The following MATR3 variants were observed in gnomAD, a reference collection of about 807,000 sequenced individuals.
MATR3 encodes matrin 3, also known as matrin-3.
In MATR3, 4 loss-of-function variants were observed where a neutral mutation model predicts 85.5. The ratio of observed to expected loss-of-function variants is 0.05; its 90% CI spans 0.02 to 0.11. The LOEUF is 0.11. Among genes scored for constraint, MATR3 ranks in the 10% least tolerant of loss-of-function variants. The probability of loss-of-function intolerance (pLI) is 1.00; values close to 1 mark genes in which losing one functional copy is unlikely to be tolerated. For missense variants in MATR3, 685 were observed against 1,016.1 expected, an observed-to-expected ratio of 0.67 and a Z score of 4.43; for synonymous variants, 336 against 343.1, an observed-to-expected ratio of 0.98 and a Z score of 0.23.
chr5:139,307,914 C>T lies in MATR3; in HGVS notation c.499C>T (p.Arg167Trp), dbSNP rs138894013. The change falls in exon 2 of 15, where the codon CGG becomes TGG. Residue 167 changes from arginine to tryptophan, a missense_variant. Physicochemically the swap from Arg to Trp is moderately radical, Grantham distance 101. Transcript: ENST00000394805. The surrounding 1 kb of genome is among the most constrained non-coding windows in gnomAD (Gnocchi z 4.4). ...SYGRDGRSAT[R>W]EPPYRVPRDD... Reference sequence around the variant, plus strand: ...TGGTAGAGATGGCAGATCTGCTACACGGGAGCCACCATACAGAGTACCTAG... The same window carrying T: ...TGGTAGAGATGGCAGATCTGCTACATGGGAGCCACCATACAGAGTACCTAG... The T allele has an allele frequency of 2.5e-6, 4 of 1,613,972 alleles. No homozygotes were observed. The African/African-American group carries it at 4.0e-5, about 16-fold the overall frequency.
Position 139,322,984 on chromosome 5 carries a change from T to A in MATR3, c.2148+17T>A, listed in dbSNP as rs763582592. ...CTTAAAAAGGTAAAGAAAGATACAT[T>A]GATTTGTTTTAATAGAACATTAGAT... On this transcript the variant is annotated intron_variant, in intron 12 of 14. Coordinates refer to ENST00000394805, the MANE Select transcript of MATR3 (RefSeq NM_018834.6). The A allele has an allele frequency of 1.3e-6, 2 of 1,544,266 alleles. No individual in the cohort carries two copies. The highest frequency in any genetic ancestry group is 1.8e-6 in the Non-Finnish European group (2 of 1,126,230).
At chr5:139,303,047 TG>T (rs1476968480) in intron 1 of MATR3, among the ~76,000 whole-genome samples, 1 of 151,304 alleles carries the variant, frequency 6.6e-6, no homozygotes, top group African/African-American at 2.4e-5. Flanking sequence ...TCAAATTAGT[TG>T]TTTTTTTTTT....
chr5:139,325,084 T>A (rs551693714), intron 12 of MATR3, among the ~76,000 whole-genome samples: 12 of 151,868 alleles, frequency 7.9e-5, no homozygotes, highest in African/African-American at 2.2e-4. Context: ...TCCCAGCTAC[T>A]CGGGAGGCTG....
rs760672658 is a variant in MATR3 at position 139,316,282 on chromosome 5, A to G, written c.1129+94A>G. 6.1e-4 allele frequency: 578 copies of G among 943,546 alleles called. 1 individual carries two copies. Among genetic ancestry groups the G allele is most frequent in the Middle Eastern group, 1.9e-3 (6 of 3,132 alleles). The allele number at this position is 943,546 out of a possible 1,614,324, so 58.4% of individuals were successfully genotyped here. A position where few individuals can be genotyped will look rare whatever the true frequency, so the allele number is the denominator to read the frequency against. The stretch of plus-strand genomic sequence containing the variant: ...TTATTTGAGATGGGGTTTTGCTCTT[A>G]TCGCCCAGGCTGGAGTGCAATGGCA... On this transcript the variant is annotated intron_variant, in intron 5 of 14. Coordinates refer to ENST00000394805, the MANE Select transcript of MATR3 (RefSeq NM_018834.6).
In MATR3 at chr5:139,314,522, G is replaced by T. The variant is rs1755149297; in HGVS notation, c.913-153G>T. On this transcript the variant is annotated intron_variant, in intron 2 of 14. Coordinates refer to ENST00000394805, the MANE Select transcript of MATR3 (RefSeq NM_018834.6). ...TCAAGCCTCAAGGATTCAGAGAAATGGTTTTAAATTAAATCAATGTGATTT... is the reference window on the plus strand; with the variant it reads ...TCAAGCCTCAAGGATTCAGAGAAATTGTTTTAAATTAAATCAATGTGATTT... 43 of 667,172 alleles carry T rather than the reference G, an allele frequency of 6.4e-5. 1 individual carries two copies. In the South Asian group the frequency reaches 6.6e-4, roughly 10 times the overall value. The allele number at this position is 667,172 out of a possible 1,614,324, so 41.3% of individuals were successfully genotyped here.
chr5:139,327,532 T>C (rs1755920621), intron 14 of MATR3, among the ~76,000 whole-genome samples: 1 of 152,116 alleles, frequency 6.6e-6, no homozygotes, highest in Non-Finnish European at 1.5e-5. Flanking sequence ...AGCCATTCTC[T>C]TGCCTCAGCC....
At chr5:139,316,233 C>G in intron 5 of MATR3, 45 bp downstream of exon 5, 1 of 1,454,612 alleles carries the variant, frequency 6.9e-7, no homozygotes, top group East Asian at 2.3e-5. Context: ...AGAGCCGTTA[C>G]TGAAAATTTT....
intron 2 of MATR3, chr5:139,312,923 A>G (rs1426053393): frequency 6.6e-6 from 1 of 152,138 alleles, no homozygotes; most frequent in Non-Finnish European, 1.5e-5. Flanking sequence ...AAGTGCTGGG[A>G]CTGCAGGCCT....
intron 14 of MATR3, among the ~76,000 whole-genome samples, chr5:139,328,534 T>G (rs913241309): frequency 6.6e-6 from 1 of 152,194 alleles, no homozygotes; most frequent in Non-Finnish European, 1.5e-5. Context: ...TCATCTGTTT[T>G]TGTAAGGTTT....
In MATR3 at chr5:139,329,885, A is replaced by C. The variant is rs1449245898; in HGVS notation, c.*490A>C. The C allele has an allele frequency of 2.2e-6, 1 of 454,402 alleles. No individual in the cohort carries two copies. Among genetic ancestry groups the C allele is most frequent in the East Asian group, 6.9e-5 (1 of 14,412 alleles). 28.1% of individuals were successfully genotyped at this position (454,402 alleles called of 1,614,324 possible). A position where few individuals can be genotyped will look rare whatever the true frequency, so the allele number is the denominator to read the frequency against. On this transcript the variant is annotated 3_prime_UTR_variant, in exon 15 of 15. Coordinates refer to ENST00000394805, the MANE Select transcript of MATR3 (RefSeq NM_018834.6). ...GTTGCATTTCATTTTTGGAGAACTT[A>C]ATTAACGTGAGATTGGCAATTGAAA...
chr5:139,330,046 G>T lies in MATR3; in HGVS notation c.*651G>T, dbSNP rs1756060352. 4.4e-6 allele frequency: 2 copies of T among 454,274 alleles called. No individual in the cohort carries two copies. Among genetic ancestry groups the T allele is most frequent in the Non-Finnish European group, 8.8e-6 (2 of 226,754 alleles). The allele number at this position is 454,274 out of a possible 1,614,324, so 28.1% of individuals were successfully genotyped here. A position where few individuals can be genotyped will look rare whatever the true frequency, so the allele number is the denominator to read the frequency against. On this transcript the variant is annotated 3_prime_UTR_variant, in exon 15 of 15. Coordinates refer to ENST00000394805, the MANE Select transcript of MATR3 (RefSeq NM_018834.6). ...TATTCTAGTAGTCAATGTATTTTCA[G>T]TGAAATGCAAAAATATTCCCGTTAT...
At position 139,321,936 on chromosome 5, in the gene MATR3, A is replaced by C. The variant is rs202035773; in HGVS notation, c.1641A>C (p.Ala547=). 1 of 1,613,984 alleles carries C rather than the reference A, an allele frequency of 6.2e-7. No individual in the cohort carries two copies. The highest frequency in any genetic ancestry group is 2.2e-5 in the East Asian group (1 of 44,864). Residue 547 remains alanine (A), a synonymous_variant, in exon 10 of 15, where the codon GCA becomes GCC. Coordinates refer to ENST00000394805, the MANE Select transcript of MATR3 (RefSeq NM_018834.6). ...TGGAGACAAGAGAAGATGCAATGGCAATGGTTGACCATTGTTTGAAAAAAG... is the reference window on the plus strand; with the variant it reads ...TGGAGACAAGAGAAGATGCAATGGCCATGGTTGACCATTGTTTGAAAAAAG... ...IEMETREDAM[A]MVDHCLKKAL... is the part of the protein sequence containing the mutation.
At chr5:139,293,657 A>C, upstream of MATR3, 1 of 234,480 alleles carries the variant, frequency 4.3e-6, no homozygotes, top group Non-Finnish European at 8.2e-6. Flanking sequence ...GGTGGGGGCG[A>C]GCTCTCTCGC....
At chr5:139,325,373 A>G (rs1755798546) in intron 12 of MATR3, 67 bp from the exon 13 acceptor site, 1 of 1,609,238 alleles carries the variant, frequency 6.2e-7, no homozygotes, top group Non-Finnish European at 8.5e-7. Flanking sequence ...AACTTCAGAA[A>G]CTTCGTAAAT....
At chr5:139,282,340 C>T (rs931962702) in intron 3 of MATR3, among the ~76,000 whole-genome samples, 1 of 152,186 alleles carries the variant, frequency 6.6e-6, no homozygotes, top group Non-Finnish European at 1.5e-5. Context: ...AATGAGCCAA[C>T]TTGATGAGTC....
chr5:139,320,701 CTT>C (rs1278481780), intron 9 of MATR3, among the ~76,000 whole-genome samples: 1 of 147,778 alleles, frequency 6.8e-6, no homozygotes, highest in African/African-American at 2.5e-5. Flanking sequence ...TTCTTCCAGA[CTT>C]TTATTTTTCT....
intron 3 of MATR3, among the ~76,000 whole-genome samples, chr5:139,288,040 G>A (rs766141399): frequency 1.3e-5 from 2 of 151,898 alleles, no homozygotes; most frequent in African/African-American, 2.4e-5. Context: ...ATGAAACCCC[G>A]TCTCTACAAA....
At chr5:139,283,881 T>G (rs1312557784) in intron 3 of MATR3, among the ~76,000 whole-genome samples, 4 of 152,230 alleles carry the variant, frequency 2.6e-5, no homozygotes, top group Non-Finnish European at 4.4e-5. Flanking sequence ...TGTTTTTCCC[T>G]TCTCATTCCA....
chr5:139,322,055 T>C (rs898405887), intron 10 of MATR3, 26 bp downstream of exon 10: 1 of 1,611,694 alleles, frequency 6.2e-7, no homozygotes, highest in African/African-American at 1.3e-5. Flanking sequence ...TTTGTCATCA[T>C]TTAACAGCTT....
Sources: gnomAD v4.1 joint callset for allele counts (sites outside exome capture counted in the v4.1 genomes callset) on GRCh38, gnomAD v4.1.1 for gene constraint, Gnocchi (gnomAD v3.1) non-coding constraint, MANE v1.5 for transcripts, NCBI Gene and HGNC (gene_info 2026-07-23, HGNC 2026-07-21) for gene names.